Variants in GLIS3 observed in about 807,000 individuals in gnomAD.
GLIS3 encodes the protein GLIS family zinc finger 3.
Under a neutral mutation model 78.6 loss-of-function variants are expected in GLIS3, and 53 were observed. The observed-to-expected ratio is 0.67, with a 90% CI of 0.54 to 0.85. GLIS3 has a LOEUF of 0.85. GLIS3 is among the 40% of genes least tolerant of loss of function. The pLI is 0.00. For missense variants in GLIS3, 1,703 were observed against 1,231.1 expected (o/e 1.38, Z -5.74); for synonymous variants, 684 against 509.9 (o/e 1.34, Z -4.60).
chr9:4,405,126 G>A, the GLIS3 span, among the ~76,000 whole-genome samples: 381 of 152,196 alleles, frequency 2.5e-3, no homozygotes, highest in African/African-American at 7.9e-3. Context: ...AGGCCGAGGA[G>A]GGTGGATCAC....
intron 2 of GLIS3, among the ~76,000 whole-genome samples, chr9:4,345,099 TCC>T (rs1817881320): frequency 6.6e-6 from 1 of 152,204 alleles, no homozygotes; most frequent in African/African-American, 2.4e-5. Flanking sequence ...TATTCAAGTC[TCC>T]GCAAGTTTCC....
At chr9:4,405,315 T>C in the GLIS3 span, among the ~76,000 whole-genome samples, 1,201 of 150,020 alleles carry the variant, frequency 8.0e-3, 18 homozygotes, top group African/African-American at 0.028. Context: ...GATCGTGCCA[T>C]TGCACTCCAG....
At chr9:4,333,673 A>G (rs1033923581) in intron 2 of GLIS3, among the ~76,000 whole-genome samples, 1 of 152,084 alleles carries the variant, frequency 6.6e-6, no homozygotes, top group Non-Finnish European at 1.5e-5. Context: ...AAATAATGCT[A>G]TTAGCTTCCA....
chr9:3,950,223 T>C (rs932622941), intron 4 of GLIS3, among the ~76,000 whole-genome samples: 1 of 152,192 alleles, frequency 6.6e-6, no homozygotes, highest in Non-Finnish European at 1.5e-5. Context: ...TCCCACCTGG[T>C]CTACTTCAGT....
intron 4 of GLIS3, among the ~76,000 whole-genome samples, chr9:4,112,340 A>T (rs928935257): frequency 6.6e-6 from 1 of 152,256 alleles, no homozygotes; most frequent in Non-Finnish European, 1.5e-5. Context: ...ATAATAATGT[A>T]GAGATTACTG....
chr9:4,173,950 G>A (rs1416543175), intron 2 of GLIS3, among the ~76,000 whole-genome samples: 11 of 151,032 alleles, frequency 7.3e-5, no homozygotes, highest in East Asian at 1.9e-4. Context: ...ACGCACACAC[G>A]CATTTCTATA....
chr9:4,419,360 G>T, the GLIS3 span, among the ~76,000 whole-genome samples: 5 of 152,262 alleles, frequency 3.3e-5, no homozygotes, highest in Middle Eastern at 3.4e-3. Flanking sequence ...TTGGCTCACC[G>T]TTCTGCAGGC....
intron 2 of GLIS3, among the ~76,000 whole-genome samples, chr9:4,319,284 A>C (rs1817484685): frequency 6.6e-6 from 1 of 152,194 alleles, no homozygotes; most frequent in South Asian, 2.1e-4. Flanking sequence ...GCAACATTCT[A>C]AAATTTTATG....
the GLIS3 span, among the ~76,000 whole-genome samples, chr9:4,357,014 A>C: frequency 6.6e-6 from 1 of 152,220 alleles, no homozygotes. Context: ...TAAAATTGAA[A>C]TCTAGCATGT....
At chr9:3,882,163 G>T (rs967204767) in intron 7 of GLIS3, among the ~76,000 whole-genome samples, 1 of 152,138 alleles carries the variant, frequency 6.6e-6, no homozygotes, top group African/African-American at 2.4e-5. Context: ...TCGGTGCCTG[G>T]TATCTCCAAA....
intron 2 of GLIS3, among the ~76,000 whole-genome samples, chr9:4,196,062 G>C (rs1818812330): frequency 1.3e-5 from 2 of 151,744 alleles, no homozygotes; most frequent in African/African-American, 2.4e-5. Flanking sequence ...CTAAAGGATT[G>C]TGAATGGACC....
At chr9:4,276,719 C>G (rs1234633239) in intron 2 of GLIS3, among the ~76,000 whole-genome samples, 2 of 152,106 alleles carry the variant, frequency 1.3e-5, no homozygotes, top group African/African-American at 2.4e-5. Flanking sequence ...ATAATTGGAA[C>G]AAATCACGCC....
chr9:3,944,768 A>T (rs1322816045), intron 4 of GLIS3, among the ~76,000 whole-genome samples: 2 of 152,252 alleles, frequency 1.3e-5, no homozygotes, highest in Admixed American at 6.5e-5. Flanking sequence ...TGTTGGTAGA[A>T]CTGAATACCA....
intron 2 of GLIS3, among the ~76,000 whole-genome samples, chr9:4,234,985 C>G (rs1051156815): frequency 6.6e-6 from 1 of 152,112 alleles, no homozygotes; most frequent in Admixed American, 6.5e-5. Flanking sequence ...GAAAGCTGCA[C>G]CTCACTGGAC....
chr9:4,214,815 A>C (rs1224957217), intron 2 of GLIS3, among the ~76,000 whole-genome samples: 1 of 152,226 alleles, frequency 6.6e-6, no homozygotes, highest in Non-Finnish European at 1.5e-5. Flanking sequence ...ATGTTAGAAT[A>C]CAAAATGCAT....
chr9:4,239,330 C>A lies in GLIS3; in HGVS notation c.388+46708G>T, dbSNP rs553433554. Among the ~76,000 whole-genome samples, 256 of 150,508 alleles carry A rather than the reference C, an allele frequency of 1.7e-3. 2 individuals are homozygous for A. The highest frequency in any genetic ancestry group is 1.5e-3 in the South Asian group (7 of 4,782). On this transcript the variant is annotated intron_variant, in intron 2 of 10. Transcript: ENST00000381971. ...CTTAAAAGTATAATTAAAAAAAAAACCAAAAAAAATGTTCTCTTAACCCAT... is the reference window on the plus strand; with the variant it reads ...CTTAAAAGTATAATTAAAAAAAAAAACAAAAAAAATGTTCTCTTAACCCAT...
intron 5 of GLIS3, chr9:3,933,018 A>C (rs1191739153): frequency 1.2e-5 from 3 of 245,538 alleles, no homozygotes; most frequent in Non-Finnish European, 2.5e-5. Flanking sequence ...AAATCTTCCA[A>C]AGAAGCATTA....
chr9:4,327,417 G>T (rs192106123), intron 2 of GLIS3, among the ~76,000 whole-genome samples: 1 of 152,294 alleles, frequency 6.6e-6, no homozygotes, highest in East Asian at 1.9e-4. Context: ...AAATGTGGGA[G>T]ATCAGTTAGG....
At chr9:3,895,970 C>T (rs960350387) in intron 7 of GLIS3, among the ~76,000 whole-genome samples, 2 of 152,148 alleles carry the variant, frequency 1.3e-5, no homozygotes, top group Non-Finnish European at 2.9e-5. Flanking sequence ...AATCATTAAA[C>T]AAATATTTTC....
Sources: allele counts gnomAD v4.1 joint callset (sites outside exome capture counted in the v4.1 genomes callset), GRCh38; gene constraint gnomAD v4.1.1; transcripts MANE v1.5; gene names NCBI Gene and HGNC (gene_info 2026-07-23, HGNC 2026-07-21).